The following TASOR2 variants were observed in gnomAD, a reference collection of about 807,000 sequenced individuals.
The protein encoded by TASOR2 is transcription activation suppressor family member 2.
Under a neutral mutation model 199.5 loss-of-function variants are expected in TASOR2, and 84 were observed. The observed-to-expected ratio is 0.42, with a 90% CI of 0.35 to 0.50. TASOR2 has a LOEUF of 0.50. TASOR2 is among the 20% of genes least tolerant of loss of function. The probability of loss-of-function intolerance (pLI) is 0.02; values close to 1 mark genes in which losing one functional copy is unlikely to be tolerated. For synonymous variants in TASOR2, 1,103 were observed against 1,046.6 expected (o/e 1.05, Z -1.04); for missense variants, 2,796 against 2,835.9 (o/e 0.99, Z 0.32).
exon 2 of TASOR2, chr10:5,712,872 A>C: frequency 6.5e-6 from 8 of 1,231,494 alleles, no homozygotes; most frequent in Non-Finnish European, 8.1e-6. Flanking sequence ...ACTCAGGAAG[A>C]ACTTCAAGAC....
intron 13 of TASOR2, among the ~76,000 whole-genome samples, chr10:5,741,008 A>G (rs973844430): frequency 2.6e-5 from 4 of 152,204 alleles, no homozygotes; most frequent in Admixed American, 2.6e-4. Flanking sequence ...TGGAGTGTAG[A>G]CTAACCTAGA....
exon 2 of TASOR2, chr10:5,712,889 G>C: frequency 8.1e-7 from 1 of 1,231,134 alleles, no homozygotes; most frequent in South Asian, 4.1e-5. Context: ...AGACACTTAC[G>C]GGTTTCTTCT....
At chr10:5,735,576 C>T in intron 12 of TASOR2, 30 bp downstream of exon 13, 1 of 1,601,414 alleles carries the variant, frequency 6.2e-7, no homozygotes, top group Non-Finnish European at 8.5e-7. Flanking sequence ...TAAATTTAAA[C>T]ACCCCAATAC....
chr10:5,700,133 CT>C (rs1468611708), intron 1 of TASOR2, among the ~76,000 whole-genome samples: 2 of 152,114 alleles, frequency 1.3e-5, no homozygotes, highest in Non-Finnish European at 2.9e-5. Context: ...CAAATCTACT[CT>C]CTATTTTCAT....
In TASOR2 at chr10:5,747,007, G is replaced by A. The variant is rs370416072; in HGVS notation, c.3586G>A (p.Glu1196Lys). ...TCAGAGTCTCCTCGGCCTATCTTCA[G>A]AAGGGCTTCTAGAACTGACACAGGT... Residue 1196 changes from glutamate to lysine, a missense_variant, in exon 15 of 21, where the codon GAA becomes AAA. Transcript: ENST00000328090. The A allele has an allele frequency of 4.3e-6, 7 of 1,614,016 alleles. No individual in the cohort carries two copies. The highest frequency in any genetic ancestry group is 1.7e-5 in the Admixed American group (1 of 60,006).
intron 18 of TASOR2, among the ~76,000 whole-genome samples, chr10:5,760,525 C>G (rs181164076): frequency 6.6e-6 from 1 of 152,260 alleles, no homozygotes; most frequent in East Asian, 1.9e-4. Flanking sequence ...GATATGCAGA[C>G]TACAGTTAAA....
chr10:5,711,968 A>G (rs1027121329), intron 1 of TASOR2, among the ~76,000 whole-genome samples: 1 of 152,040 alleles, frequency 6.6e-6, no homozygotes, highest in Non-Finnish European at 1.5e-5. Context: ...ATATGTAAAG[A>G]GTAAGTTTAT....
intron 18 of TASOR2, 47 bp downstream of exon 19, chr10:5,759,039 C>A: frequency 7.4e-7 from 1 of 1,352,224 alleles, no homozygotes; most frequent in Non-Finnish European, 1.1e-6. Context: ...GCTGGGGTAG[C>A]AGAGAAACGC....
exon 20 of TASOR2, chr10:5,762,587 T>C: frequency 1.4e-6 from 2 of 1,481,440 alleles, no homozygotes; most frequent in African/African-American, 1.4e-5. Context: ...TTGTTACAGA[T>C]GTAAATAACT....
intron 1 of TASOR2, among the ~76,000 whole-genome samples, chr10:5,702,944 T>C (rs1034687137): frequency 4.4e-4 from 67 of 152,148 alleles, no homozygotes; most frequent in African/African-American, 1.6e-3. Context: ...TACCAGAAAA[T>C]AGTAGAGGAA....
chr10:5,762,478 A>G (rs2131670431), intron 19 of TASOR2, 54 bp from the exon 21 acceptor site: 1 of 474,590 alleles, frequency 2.1e-6, no homozygotes, highest in Non-Finnish European at 3.5e-6. Context: ...GTCCTGTTAT[A>G]TAAAAGTACA....
intron 12 of TASOR2, among the ~76,000 whole-genome samples, chr10:5,736,016 C>T (rs764711108): frequency 6.6e-6 from 1 of 152,182 alleles, no homozygotes; most frequent in Admixed American, 6.5e-5. Flanking sequence ...ACAATCACTG[C>T]AACCTTGACC....
In TASOR2 at chr10:5,748,341, G is replaced by A. The variant is rs764151279; in HGVS notation, c.4920G>A (p.Ser1640=). 7 of 1,614,086 alleles carry A rather than the reference G, an allele frequency of 4.3e-6. No individual in the cohort carries two copies. Among genetic ancestry groups the A allele is most frequent in the East Asian group, 2.2e-5 (1 of 44,906 alleles). ...AGGTGAAGTCCTTGACAGCTGCCTCGGTTGATGGAGCTTATTCTACACAGG... is the reference window on the plus strand; with the variant it reads ...AGGTGAAGTCCTTGACAGCTGCCTCAGTTGATGGAGCTTATTCTACACAGG... Residue 1640 remains serine, a synonymous_variant, in exon 15 of 21, where the codon TCG becomes TCA. Coordinates refer to ENST00000328090, the Ensembl canonical transcript of TASOR2. The surrounding 1 kb of genome is among the most constrained non-coding windows in gnomAD (Gnocchi z 5.1).
exon 15 of TASOR2, chr10:5,749,530 A>G: frequency 6.2e-7 from 1 of 1,614,102 alleles, no homozygotes; most frequent in South Asian, 1.1e-5. Context: ...TAGGAGCAGA[A>G]GCCCCCTTCT....
At position 5,710,686 on chromosome 10, in the gene TASOR2, G is replaced by A. The variant is rs1831800120; in HGVS notation, c.-287-2137G>A. On this transcript the variant is annotated intron_variant, in intron 1 of 20. Coordinates refer to ENST00000328090, the Ensembl canonical transcript of TASOR2. The surrounding 1 kb of genome is among the most constrained non-coding windows in gnomAD (Gnocchi z 4.6). ...TGTGCCTACCTATTAATGACTTACA[G>A]AATTTAGAGAAGTTGATAATCACAG... is the stretch of plus-strand genomic sequence containing the variant. Among the ~76,000 whole-genome samples the A allele has an allele frequency of 6.6e-6, 1 of 152,072 alleles. No homozygotes were observed. The highest frequency in any genetic ancestry group is 2.1e-4 in the South Asian group (1 of 4,830).
chr10:5,761,421 T>C (rs1244388912), exon 19 of TASOR2: 2 of 1,613,626 alleles, frequency 1.2e-6, no homozygotes, highest in South Asian at 1.1e-5. Context: ...AAATGTTTGC[T>C]AAACCTGCAA....
exon 19 of TASOR2, chr10:5,761,301 C>T: frequency 6.2e-7 from 1 of 1,612,592 alleles, no homozygotes; most frequent in Non-Finnish European, 8.5e-7. Context: ...GTGGATTCAA[C>T]TGCACATAAG....
rs1470394203 is a variant in TASOR2 at position 5,708,168 on chromosome 10, G to A, written c.-287-4655G>A. Among the ~76,000 whole-genome samples, 15 of 152,080 alleles carry A rather than the reference G, an allele frequency of 9.9e-5. 1 individual carries two copies. Among genetic ancestry groups the A allele is most frequent in the Admixed American group, 9.8e-4 (15 of 15,270 alleles). On this transcript the variant is annotated intron_variant, in intron 1 of 20. Transcript: ENST00000328090. ...AAAAACTGAAAACTTGACCACCTTTGTAATCTTTTTCTTCGTTCTTATTCT... is the reference window on the plus strand; with the variant it reads ...AAAAACTGAAAACTTGACCACCTTTATAATCTTTTTCTTCGTTCTTATTCT...
Position 5,740,765 on chromosome 10 carries a change from C to A in TASOR2, c.2327+268C>A, listed in dbSNP as rs1051380340. Among the ~76,000 whole-genome samples, 2 of 152,152 alleles carry A rather than the reference C, an allele frequency of 1.3e-5. No individual in the cohort carries two copies. The highest frequency in any genetic ancestry group is 4.8e-5 in the African/African-American group (2 of 41,440). Reference sequence around the variant, plus strand: ...CCATTTTGCAATGCTCCCTCGTAAGCCCTTGTGGCTTTTGAATTTCAATTT... The same window carrying A: ...CCATTTTGCAATGCTCCCTCGTAAGACCTTGTGGCTTTTGAATTTCAATTT... On this transcript the variant is annotated intron_variant, in intron 13 of 20. Transcript: ENST00000328090. This position sits in a 1 kb window ranked among gnomAD's most constrained non-coding sequence, Gnocchi z 5.3.
Sources: allele counts gnomAD v4.1 joint callset (sites outside exome capture counted in the v4.1 genomes callset), GRCh38; gene constraint gnomAD v4.1.1; non-coding constraint Gnocchi (gnomAD v3.1); transcripts MANE v1.5; gene names NCBI Gene and HGNC (gene_info 2026-07-23, HGNC 2026-07-21).